BMAL1: variants seen among roughly 807,000 people sequenced by gnomAD.
The protein encoded by BMAL1 is basic helix-loop-helix ARNT like 1.
chr11:13,327,293 C>T, the BMAL1 span, among the ~76,000 whole-genome samples: 1 of 151,936 alleles, frequency 6.6e-6, no homozygotes, highest in Middle Eastern at 3.2e-3. Flanking sequence ...TTCCTAAGTA[C>T]ATTAAGTACG....
At chr11:13,335,660 C>T in the BMAL1 span, among the ~76,000 whole-genome samples, 1 of 152,196 alleles carries the variant, frequency 6.6e-6, no homozygotes, top group Admixed American at 6.5e-5. Context: ...AACACATAAA[C>T]ACAAATAATT....
chr11:13,317,340 T>A, the BMAL1 span, among the ~76,000 whole-genome samples: 2 of 152,228 alleles, frequency 1.3e-5, no homozygotes, highest in Admixed American at 1.3e-4. Context: ...AATTTTATGA[T>A]GTTGAGTCTA....
At chr11:13,374,764 T>C in the BMAL1 span, among the ~76,000 whole-genome samples, 1 of 152,236 alleles carries the variant, frequency 6.6e-6, no homozygotes, top group Non-Finnish European at 1.5e-5. Flanking sequence ...TCATCTTCCA[T>C]AGTTATCCTA....
At chr11:13,384,905 C>A in the BMAL1 span, among the ~76,000 whole-genome samples, 1 of 152,084 alleles carries the variant, frequency 6.6e-6, no homozygotes, top group African/African-American at 2.4e-5. Context: ...AGCAAAAGTT[C>A]TTTGGAGTCC....
At chr11:13,369,838 G>A in the BMAL1 span, 4 of 1,555,544 alleles carry the variant, frequency 2.6e-6, no homozygotes, top group East Asian at 4.5e-5. Context: ...GCTCTCAGCT[G>A]GGCGTTGGTT....
chr11:13,295,273 G>T, the BMAL1 span, among the ~76,000 whole-genome samples: 2 of 152,180 alleles, frequency 1.3e-5, no homozygotes, highest in Admixed American at 6.5e-5. Flanking sequence ...ACATGGCTTT[G>T]GCTGTCATGG....
chr11:13,284,130 A>G, the BMAL1 span, among the ~76,000 whole-genome samples: 38 of 62,824 alleles, frequency 6.0e-4, 2 homozygotes, highest in African/African-American at 1.4e-3. Flanking sequence ...GTGTGTGTGT[A>G]TATATATATA....
At chr11:13,319,958 C>A in the BMAL1 span, among the ~76,000 whole-genome samples, 1 of 152,202 alleles carries the variant, frequency 6.6e-6, no homozygotes, top group Non-Finnish European at 1.5e-5. Context: ...ATGGCTGTTT[C>A]CTTTACTGAG....
At chr11:13,375,489 C>A in the BMAL1 span, 19 of 775,614 alleles carry the variant, frequency 2.4e-5, no homozygotes, top group African/African-American at 3.1e-4. Context: ...ACTGCAGTTT[C>A]CTTGGCTTAC....
At chr11:13,329,522 G>T in the BMAL1 span, among the ~76,000 whole-genome samples, 130 of 152,248 alleles carry the variant, frequency 8.5e-4, no homozygotes, top group Non-Finnish European at 1.4e-3. Context: ...GAGGTGGGGG[G>T]TGATTAGTTT....
At chr11:13,322,564 G>A in the BMAL1 span, among the ~76,000 whole-genome samples, 75 of 152,136 alleles carry the variant, frequency 4.9e-4, no homozygotes, top group Admixed American at 2.5e-3. Flanking sequence ...GCAAATGTCC[G>A]TCATGCCCAG....
At chr11:13,356,542 C>T in the BMAL1 span, among the ~76,000 whole-genome samples, 1 of 152,146 alleles carries the variant, frequency 6.6e-6, no homozygotes, top group African/African-American at 2.4e-5. Flanking sequence ...ACCTGAGAAG[C>T]TGGTCCAGGT....
the BMAL1 span, among the ~76,000 whole-genome samples, chr11:13,351,084 A>G: frequency 1.4e-4 from 22 of 152,344 alleles, no homozygotes; most frequent in Non-Finnish European, 1.5e-5. Context: ...TGTAGGTCAC[A>G]TTTTGATAAG....
At chr11:13,356,474 T>C in the BMAL1 span, among the ~76,000 whole-genome samples, 1 of 152,352 alleles carries the variant, frequency 6.6e-6, no homozygotes, top group Admixed American at 6.5e-5. Context: ...ACAATCAGAA[T>C]ATGGTAAAAT....
At chr11:13,322,313 C>T in the BMAL1 span, among the ~76,000 whole-genome samples, 1 of 152,174 alleles carries the variant, frequency 6.6e-6, no homozygotes, top group African/African-American at 2.4e-5. Flanking sequence ...GTACAATGTT[C>T]ATTATACCTC....
chr11:13,365,005 C>T, the BMAL1 span, among the ~76,000 whole-genome samples: 13 of 152,124 alleles, frequency 8.5e-5, no homozygotes, highest in East Asian at 2.5e-3. Flanking sequence ...AACACTGCTC[C>T]GAATGTTGAG....
chr11:13,304,875 C>T, the BMAL1 span, among the ~76,000 whole-genome samples: 1 of 152,186 alleles, frequency 6.6e-6, no homozygotes, highest in Non-Finnish European at 1.5e-5. Context: ...GGCTCCTTGC[C>T]TTCTGTTCTT....
chr11:13,342,672 C>G, the BMAL1 span, among the ~76,000 whole-genome samples: 1 of 152,174 alleles, frequency 6.6e-6, no homozygotes, highest in African/African-American at 2.4e-5. Context: ...TCATTACAAT[C>G]CTATGGGATT....
chr11:13,378,425 G>A, the BMAL1 span: 2 of 1,612,384 alleles, frequency 1.2e-6, no homozygotes, highest in Non-Finnish European at 1.7e-6. Context: ...TGATTGCTGA[G>A]GAAATCATGG....
Sources: allele counts gnomAD v4.1 joint callset (sites outside exome capture counted in the v4.1 genomes callset), GRCh38; gene constraint gnomAD v4.1.1; transcripts MANE v1.5; gene names NCBI Gene and HGNC (gene_info 2026-07-23, HGNC 2026-07-21).